Variants in GPC6 observed in about 807,000 individuals in gnomAD.
The protein encoded by GPC6 is glypican 6.
A neutral mutation model predicts 55.2 loss-of-function variants in GPC6; 14 were observed. The observed-to-expected ratio is 0.25, with a 90% CI of 0.17 to 0.40. The LOEUF (loss-of-function observed/expected upper bound fraction) is 0.40. GPC6 is among the 10% of genes least tolerant of loss of function. GPC6 has a pLI of 1.00. For missense variants in GPC6, 641 were observed against 708.5 expected, an observed-to-expected ratio of 0.90 and a Z score of 1.08; for synonymous variants, 278 against 259.6, an observed-to-expected ratio of 1.07 and a Z score of -0.68.
At chr13:93,246,789 C>CAAAAAA (rs767827311) in intron 1 of GPC6, among the ~76,000 whole-genome samples, 6 of 40,856 alleles carry the variant, frequency 1.5e-4, no homozygotes, top group African/African-American at 5.0e-4. Context: ...AAGACTGTCT[C>CAAAAAA]AAAAAAAAAA....
At position 94,092,099 on chromosome 13, in the gene GPC6, T is replaced by C. The variant is rs1885505568; in HGVS notation, c.877+64205T>C. Among the ~76,000 whole-genome samples the C allele has an allele frequency of 2.2e-5, 3 of 133,986 alleles. No homozygotes were observed. The South Asian group carries it at 7.8e-4, about 35-fold the overall frequency. 87.9% of individuals were successfully genotyped at this position (133,986 alleles called of 152,430 possible). A position where few individuals can be genotyped will look rare whatever the true frequency, so the allele number is the denominator to read the frequency against. On this transcript the variant is annotated intron_variant, in intron 4 of 8. Transcript: ENST00000377047. ...CAATTCACACATCCATCACCTCACA[T>C]AGTTACCTGTGTGTGTGTTTGCGGG...
intron 1 of GPC6, among the ~76,000 whole-genome samples, chr13:93,482,658 A>G (rs1879561567): frequency 6.6e-6 from 1 of 152,176 alleles, no homozygotes; most frequent in Non-Finnish European, 1.5e-5. Flanking sequence ...AGGCAAAACC[A>G]CAGAAAATAA....
intron 3 of GPC6, among the ~76,000 whole-genome samples, chr13:93,835,274 G>A (rs1418812605): frequency 6.6e-6 from 1 of 151,918 alleles, no homozygotes; most frequent in Non-Finnish European, 1.5e-5. Context: ...AGGCAACATG[G>A]TAAAATCCTA....
chr13:93,712,480 T>C (rs2138810521), intron 2 of GPC6, among the ~76,000 whole-genome samples: 1 of 151,818 alleles, frequency 6.6e-6, no homozygotes, highest in South Asian at 2.1e-4. Context: ...TTTGGGTACC[T>C]AGTTTATTAA....
chr13:93,650,217 T>G (rs1880348156), intron 2 of GPC6, among the ~76,000 whole-genome samples: 1 of 152,176 alleles, frequency 6.6e-6, no homozygotes, highest in African/African-American at 2.4e-5. Context: ...CTTGTAAATA[T>G]GGTTTAATTT....
At chr13:93,278,935 A>G (rs944727216) in intron 1 of GPC6, among the ~76,000 whole-genome samples, 1 of 152,256 alleles carries the variant, frequency 6.6e-6, no homozygotes, top group Non-Finnish European at 1.5e-5. Context: ...TAGGTATCCC[A>G]TAACATCATG....
At chr13:93,783,576 GTCTATCTA>G (rs60855226) in intron 2 of GPC6, among the ~76,000 whole-genome samples, 23 of 151,132 alleles carry the variant, frequency 1.5e-4, no homozygotes, top group South Asian at 2.1e-4. Context: ...CTATCTATCT[GTCTATCTA>G]TCTATCTATC....
intron 1 of GPC6, among the ~76,000 whole-genome samples, chr13:93,454,822 C>T (rs1043276112): frequency 7.2e-5 from 11 of 152,154 alleles, no homozygotes; most frequent in African/African-American, 1.7e-4. Flanking sequence ...TGGGAGTGGG[C>T]GCCCTGGAGC....
chr13:93,269,882 A>T (rs1284611008), intron 1 of GPC6, among the ~76,000 whole-genome samples: 1 of 135,176 alleles, frequency 7.4e-6, no homozygotes, highest in Non-Finnish European at 1.5e-5. Flanking sequence ...ACAGAGCAAG[A>T]CTCCATCTCA....
At chr13:93,596,599 A>G (rs999493592) in intron 2 of GPC6, among the ~76,000 whole-genome samples, 1 of 81,080 alleles carries the variant, frequency 1.2e-5, no homozygotes, top group Non-Finnish European at 2.0e-5. Context: ...AAATAAATAA[A>G]TAAATAAATA....
chr13:93,642,442 T>C (rs1184232948), intron 2 of GPC6, among the ~76,000 whole-genome samples: 1 of 152,098 alleles, frequency 6.6e-6, no homozygotes, highest in Admixed American at 6.6e-5. Context: ...GGAATAGCAC[T>C]GCAATGAACA....
chr13:93,430,199 A>G (rs1411366428), intron 1 of GPC6, among the ~76,000 whole-genome samples: 1 of 152,168 alleles, frequency 6.6e-6, no homozygotes, highest in African/African-American at 2.4e-5. Context: ...TTTTTTAGTC[A>G]TGTCATGTAA....
chr13:93,723,534 G>C (rs774460309), intron 2 of GPC6, among the ~76,000 whole-genome samples: 1 of 152,038 alleles, frequency 6.6e-6, no homozygotes, highest in African/African-American at 2.4e-5. Context: ...TCCCAGAGCC[G>C]CAGGAGTCAA....
At chr13:94,054,087 T>G (rs1884047543) in intron 4 of GPC6, among the ~76,000 whole-genome samples, 1 of 152,196 alleles carries the variant, frequency 6.6e-6, no homozygotes, top group African/African-American at 2.4e-5. Context: ...CTTCTAATGC[T>G]TTGTTCACCA....
intron 2 of GPC6, among the ~76,000 whole-genome samples, chr13:93,784,917 A>T (rs757136553): frequency 3.9e-5 from 6 of 152,176 alleles, no homozygotes; most frequent in Non-Finnish European, 7.3e-5. Flanking sequence ...TTTAATTTGA[A>T]CTTTGTATAA....
chr13:93,612,510 C>CACACACACAT (rs1878522248), intron 2 of GPC6, among the ~76,000 whole-genome samples: 1 of 150,186 alleles, frequency 6.7e-6, no homozygotes, highest in Non-Finnish European at 1.5e-5. Flanking sequence ...AACACACACA[C>CACACACACAT]ACACACACAC....
chr13:93,404,608 T>C (rs1876216942), intron 1 of GPC6, among the ~76,000 whole-genome samples: 1 of 152,150 alleles, frequency 6.6e-6, no homozygotes, highest in Non-Finnish European at 1.5e-5. Context: ...TTAAAATCAG[T>C]CTTATTTTCT....
At chr13:94,195,129 G>A (rs561255029) in intron 4 of GPC6, among the ~76,000 whole-genome samples, 1 of 152,166 alleles carries the variant, frequency 6.6e-6, no homozygotes, top group Non-Finnish European at 1.5e-5. Context: ...AACAGAGAGT[G>A]GTAAGTACTG....
At chr13:93,857,941 A>G (rs1200573790) in intron 3 of GPC6, among the ~76,000 whole-genome samples, 2 of 151,586 alleles carry the variant, frequency 1.3e-5, no homozygotes, top group African/African-American at 2.4e-5. Context: ...AAAGAACTGA[A>G]TTGAACCATT....
Sources: gnomAD v4.1 joint callset for allele counts (sites outside exome capture counted in the v4.1 genomes callset) on GRCh38, gnomAD v4.1.1 for gene constraint, MANE v1.5 for transcripts, NCBI Gene and HGNC (gene_info 2026-07-23, HGNC 2026-07-21) for gene names.